The following RAB39A variants were observed in gnomAD, a reference collection of about 807,000 sequenced individuals.
RAB39A encodes the protein RAB39A, member RAS oncogene family, also known as ras-related protein Rab-39A.
RAB39A carries 17 observed loss-of-function variants against 20.9 expected under a neutral mutation model. The ratio of observed to expected loss-of-function variants is 0.81; its 90% confidence interval spans 0.56 to 1.22. The LOEUF (loss-of-function observed/expected upper bound fraction) is 1.22. Ranked by LOEUF, RAB39A falls within the 50% of genes most tolerant of loss-of-function variation. RAB39A has a pLI of 0.00. For missense variants in RAB39A, 234 were observed against 270.5 expected, an observed-to-expected ratio of 0.87 and a Z score of 0.95; for synonymous variants, 99 against 103.4, an observed-to-expected ratio of 0.96 and a Z score of 0.26.
At chr11:107,959,509 A>C (rs1163159653) in intron 1 of RAB39A, among the ~76,000 whole-genome samples, 1 of 152,084 alleles carries the variant, frequency 6.6e-6, no homozygotes, top group African/African-American at 2.4e-5. Context: ...TTCTTTTTTT[A>C]TTTTTAGAAT....
At chr11:107,935,187 A>G (rs1041283755) in intron 1 of RAB39A, among the ~76,000 whole-genome samples, 3 of 152,142 alleles carry the variant, frequency 2.0e-5, no homozygotes, top group African/African-American at 7.2e-5. Context: ...GCAAGTCTGC[A>G]GTGTAAAATG....
At chr11:107,933,529 G>T (rs572538409) in intron 1 of RAB39A, among the ~76,000 whole-genome samples, 1 of 150,914 alleles carries the variant, frequency 6.6e-6, no homozygotes, top group Non-Finnish European at 1.5e-5. Context: ...ACAGGCATGC[G>T]CCACAGCACC....
At chr11:107,955,722 C>T (rs1861428383) in intron 1 of RAB39A, among the ~76,000 whole-genome samples, 1 of 152,112 alleles carries the variant, frequency 6.6e-6, no homozygotes, top group African/African-American at 2.4e-5. Context: ...CCTGTAATCC[C>T]TGCTACTCAG....
At chr11:107,936,362 T>C (rs1003400642) in intron 1 of RAB39A, among the ~76,000 whole-genome samples, 1 of 152,070 alleles carries the variant, frequency 6.6e-6, no homozygotes, top group Non-Finnish European at 1.5e-5. Flanking sequence ...TTTATTTTAA[T>C]GTGTCTCTTA....
At chr11:107,957,620 A>C (rs1265293872) in intron 1 of RAB39A, among the ~76,000 whole-genome samples, 1 of 152,242 alleles carries the variant, frequency 6.6e-6, no homozygotes, top group Non-Finnish European at 1.5e-5. Context: ...AGCGACTGCT[A>C]GGAGCTTATA....
At chr11:107,957,502 C>T (rs1861449497) in intron 1 of RAB39A, among the ~76,000 whole-genome samples, 2 of 152,198 alleles carry the variant, frequency 1.3e-5, no homozygotes, top group African/African-American at 4.8e-5. Flanking sequence ...AAGGAGACTG[C>T]TCCTCTGGCA....
chr11:107,955,774 GT>G (rs973510704), intron 1 of RAB39A, among the ~76,000 whole-genome samples: 2 of 151,534 alleles, frequency 1.3e-5, no homozygotes, highest in African/African-American at 4.9e-5. Context: ...GGAGGTGGAG[GT>G]TGTGGTGAGC....
At chr11:107,947,807 CAAAAA>C (rs35694249) in intron 1 of RAB39A, among the ~76,000 whole-genome samples, 47 of 80,218 alleles carry the variant, frequency 5.9e-4, no homozygotes, top group South Asian at 1.2e-3. Flanking sequence ...CATCAACAGG[CAAAAA>C]AAAAAAAAAA....
At chr11:107,944,767 T>A (rs1464666587) in intron 1 of RAB39A, among the ~76,000 whole-genome samples, 1 of 152,196 alleles carries the variant, frequency 6.6e-6, no homozygotes, top group Admixed American at 6.5e-5. Flanking sequence ...GGAGGAATTG[T>A]CATCTGTGCC....
At chr11:107,932,736 C>T (rs1333804654) in intron 1 of RAB39A, among the ~76,000 whole-genome samples, 1 of 152,122 alleles carries the variant, frequency 6.6e-6, no homozygotes, top group African/African-American at 2.4e-5. Context: ...TTTTTTGAGA[C>T]AATCTCGCTC....
chr11:107,944,067 C>T (rs558336115), intron 1 of RAB39A, among the ~76,000 whole-genome samples: 1 of 151,858 alleles, frequency 6.6e-6, no homozygotes, highest in South Asian at 2.1e-4. Context: ...TGCACTCCAT[C>T]CAGGGCGACA....
At chr11:107,939,243 C>CAA (rs138488479) in intron 1 of RAB39A, among the ~76,000 whole-genome samples, 10,114 of 68,212 alleles carry the variant, frequency 0.15, 701 homozygotes, top group Non-Finnish European at 0.16. Context: ...GACTCTGTCT[C>CAA]AAAAAAAAAA....
chr11:107,928,697 C>A lies in RAB39A; in HGVS notation c.129C>A (p.Pro43=), dbSNP rs1320803538. 3 of 1,611,864 alleles carry A rather than the reference C, an allele frequency of 1.9e-6. No individual in the cohort carries two copies. ...GGCTGCGCTCCCCCGCCTGCGACCC[C>A]ACCGTCGGCGTGGACTTCTTCTCCC... ...FPGLRSPACD[P]TVGVDFFSRL... Residue 43 remains proline (P), a synonymous_variant, in exon 1 of 2, where the codon CCC becomes CCA. Transcript: ENST00000320578. This position sits in a 1 kb window ranked among gnomAD's most constrained non-coding sequence, Gnocchi z 4.9.
At chr11:107,939,436 C>G (rs376979040) in intron 1 of RAB39A, among the ~76,000 whole-genome samples, 2 of 149,436 alleles carry the variant, frequency 1.3e-5, no homozygotes, top group Admixed American at 6.7e-5. Context: ...GAAACCCCGT[C>G]TCTACTAAAA....
At chr11:107,944,964 C>T (rs1296001610) in intron 1 of RAB39A, among the ~76,000 whole-genome samples, 1 of 151,884 alleles carries the variant, frequency 6.6e-6, no homozygotes, top group Non-Finnish European at 1.5e-5. Flanking sequence ...GTGGGTGGAT[C>T]ACAAGGTAAG....
chr11:107,933,461 C>A lies in RAB39A; in HGVS notation c.227+4666C>A, dbSNP rs571887773. Among the ~76,000 whole-genome samples the A allele has an allele frequency of 8.8e-5, 12 of 136,662 alleles. No individual in the cohort carries two copies. In the South Asian group the frequency reaches 2.2e-3, roughly 26 times the overall value. 89.7% of individuals were successfully genotyped at this position (136,662 alleles called of 152,430 possible). The stretch of plus-strand genomic sequence containing the variant: ...CAGTGAAACGATCGGCTCACTGCAA[C>A]CCCCACCTCCCAGGTTCAAGCGATT... On this transcript the variant is annotated intron_variant, in intron 1 of 1. Transcript: ENST00000320578.
At position 107,934,844 on chromosome 11, in the gene RAB39A, G is replaced by A. The variant is rs11212444; in HGVS notation, c.227+6049G>A. 3.2e-3 allele frequency among the ~76,000 whole-genome samples: 476 copies of A among 150,296 alleles called. 2 individuals are homozygous for A. The highest frequency in any genetic ancestry group is 5.7e-3 in the Non-Finnish European group (386 of 67,836). ...CTCAGGAGGCTGAGGTGGGAGAATC[G>A]CTTGAACCCAGGAAGCGGAGGTTGC... On this transcript the variant is annotated intron_variant, in intron 1 of 1. Coordinates refer to ENST00000320578, the MANE Select transcript of RAB39A (RefSeq NM_017516.3).
intron 1 of RAB39A, among the ~76,000 whole-genome samples, chr11:107,961,635 A>G (rs763840992): frequency 6.6e-6 from 1 of 152,138 alleles, no homozygotes; most frequent in Non-Finnish European, 1.5e-5. Flanking sequence ...TTTTAACCAC[A>G]ATGATGTAAT....
intron 1 of RAB39A, among the ~76,000 whole-genome samples, chr11:107,950,487 C>G (rs1042515122): frequency 1.3e-5 from 2 of 152,084 alleles, no homozygotes; most frequent in African/African-American, 2.4e-5. Flanking sequence ...GAAAAAAAGT[C>G]TGGGCGCGGT....
Sources: allele counts gnomAD v4.1 joint callset (sites outside exome capture counted in the v4.1 genomes callset), GRCh38; gene constraint gnomAD v4.1.1; non-coding constraint Gnocchi (gnomAD v3.1); transcripts MANE v1.5; gene names NCBI Gene and HGNC (gene_info 2026-07-23, HGNC 2026-07-21).